The following ARSB variants were observed in gnomAD, a reference collection of about 807,000 sequenced individuals.
ARSB encodes arylsulfatase B.
In ARSB, 41 loss-of-function variants were observed where a neutral mutation model predicts 50.9. The ratio of observed to expected loss-of-function variants is 0.81; its 90% confidence interval spans 0.63 to 1.04. The LOEUF is 1.04. Ranked by LOEUF, ARSB falls within the 50% of genes least tolerant of loss-of-function variation. The pLI, the probability that ARSB is intolerant of heterozygous loss-of-function variation, is 0.00. For missense variants in ARSB, 672 were observed against 693.3 expected (o/e 0.97, Z 0.35); for synonymous variants, 269 against 284.8 (o/e 0.94, Z 0.56).
chr5:78,836,664 T>C (rs767584285), intron 6 of ARSB, among the ~76,000 whole-genome samples: 3 of 152,214 alleles, frequency 2.0e-5, no homozygotes, highest in Admixed American at 6.5e-5. Context: ...GTTATTTTGC[T>C]AGGGCCCTTT....
rs756793742 is a variant in ARSB, at chr5:78,885,575, T to G, written c.1142+9A>C. 23 of 1,612,624 alleles carry G rather than the reference T, an allele frequency of 1.4e-5. No homozygotes were observed. The highest frequency in any genetic ancestry group is 1.7e-5 in the Admixed American group (1 of 59,972). On this transcript the variant is annotated intron_variant, in intron 5 of 7. Transcript: ENST00000264914. Reference sequence around the variant, plus strand: ...TGTCCTGGGAGGAAAAAGGGCAGGGTGTAGGTACCTGATGGTTTTCCACAC... The same window carrying G: ...TGTCCTGGGAGGAAAAAGGGCAGGGGGTAGGTACCTGATGGTTTTCCACAC...
chr5:78,958,569 C>T (rs1426568304), intron 3 of ARSB, among the ~76,000 whole-genome samples: 3 of 152,158 alleles, frequency 2.0e-5, no homozygotes, highest in African/African-American at 7.2e-5. Flanking sequence ...TAGCTAAAGA[C>T]ATTACCATCA....
At chr5:78,802,799 C>T (rs186671227) in intron 6 of ARSB, among the ~76,000 whole-genome samples, 2 of 152,282 alleles carry the variant, frequency 1.3e-5, no homozygotes, top group East Asian at 1.9e-4. Flanking sequence ...TTGGTGTCCA[C>T]GTTGGGGTGG....
intron 6 of ARSB, among the ~76,000 whole-genome samples, chr5:78,811,155 A>G (rs151037356): frequency 1.8e-4 from 27 of 152,250 alleles, no homozygotes; most frequent in Admixed American, 5.9e-4. Context: ...CATCTTTCCA[A>G]CTGGACTGCA....
chr5:78,799,490 C>A (rs1256766507), intron 6 of ARSB, among the ~76,000 whole-genome samples: 1 of 152,170 alleles, frequency 6.6e-6, no homozygotes, highest in Non-Finnish European at 1.5e-5. Context: ...AGAGAGACTC[C>A]CTCCCTAACA....
intron 6 of ARSB, among the ~76,000 whole-genome samples, chr5:78,808,062 C>A (rs1743640019): frequency 7.7e-6 from 1 of 129,584 alleles, no homozygotes. Context: ...CACTGCACTC[C>A]AGCCTGGGCG....
At chr5:78,797,412 G>C (rs1743226637) in intron 6 of ARSB, among the ~76,000 whole-genome samples, 3 of 152,172 alleles carry the variant, frequency 2.0e-5, no homozygotes, top group Non-Finnish European at 4.4e-5. Context: ...GTTGTTTTGT[G>C]TATCCAACCA....
At chr5:78,795,700 A>C (rs1743153599) in intron 6 of ARSB, among the ~76,000 whole-genome samples, 1 of 152,264 alleles carries the variant, frequency 6.6e-6, no homozygotes, top group Admixed American at 6.5e-5. Context: ...GAAGCTAATC[A>C]GAAAAAGGTG....
At position 78,861,536 on chromosome 5, in the gene ARSB, C is replaced by G. The variant is rs562492917; in HGVS notation, c.1143-22110G>C. On this transcript the variant is annotated intron_variant, in intron 5 of 7. Coordinates refer to ENST00000264914, the MANE Select transcript of ARSB (RefSeq NM_000046.5). ...CTGTATGATTATCTCAATAGATGCA[C>G]AAAAGGCCTTCGACAAAATTCAACA... Among the ~76,000 whole-genome samples, 39 of 152,194 alleles carry G rather than the reference C, an allele frequency of 2.6e-4. No homozygotes were observed. In the South Asian group the frequency reaches 7.9e-3, roughly 31 times the overall value.
Position 78,780,272 on chromosome 5 carries a change from G to T in ARSB, c.*125C>A. On this transcript the variant is annotated 3_prime_UTR_variant, in exon 8 of 8. Transcript: ENST00000264914. ...TTAGGGGTTGAAATTAGACACCTCG[G>T]TGTGGTTTAAGAGCAAGAGAAGGGC... 7.6e-7 allele frequency: 1 copy of T among 1,309,302 alleles called. No individual in the cohort carries two copies. Among genetic ancestry groups the T allele is most frequent in the Non-Finnish European group, 1.1e-6 (1 of 913,244 alleles). 81.1% of individuals were successfully genotyped at this position (1,309,302 alleles called of 1,614,324 possible). A position where few individuals can be genotyped will look rare whatever the true frequency, so the allele number is the denominator to read the frequency against.
chr5:78,971,844 T>C (rs556075600), intron 1 of ARSB, among the ~76,000 whole-genome samples: 1 of 151,024 alleles, frequency 6.6e-6, no homozygotes, highest in Non-Finnish European at 1.5e-5. Flanking sequence ...TCAAAGTTTA[T>C]CGAATTGTAT....
At chr5:78,938,513 T>G (rs979478231) in intron 4 of ARSB, among the ~76,000 whole-genome samples, 4 of 152,246 alleles carry the variant, frequency 2.6e-5, no homozygotes, top group African/African-American at 9.6e-5. Context: ...CACTGATTTA[T>G]TCACATAACA....
chr5:78,982,693 G>A (rs1419496047), intron 1 of ARSB, among the ~76,000 whole-genome samples: 1 of 152,178 alleles, frequency 6.6e-6, no homozygotes, highest in Non-Finnish European at 1.5e-5. Flanking sequence ...TAAGTGCTCA[G>A]AACAATACCA....
intron 4 of ARSB, among the ~76,000 whole-genome samples, chr5:78,943,999 ACTTCT>A (rs1454819602): frequency 2.0e-5 from 3 of 151,876 alleles, no homozygotes; most frequent in African/African-American, 7.3e-5. Flanking sequence ...TTTTCTCTAA[ACTTCT>A]CTTCTCACTT....
chr5:78,938,480 G>A (rs1750737497), intron 4 of ARSB, among the ~76,000 whole-genome samples: 1 of 152,158 alleles, frequency 6.6e-6, no homozygotes, highest in Non-Finnish European at 1.5e-5. Context: ...TAATTGCAAA[G>A]AGTAATAGAA....
intron 5 of ARSB, among the ~76,000 whole-genome samples, chr5:78,865,423 C>G (rs1305226365): frequency 6.6e-6 from 1 of 152,130 alleles, no homozygotes; most frequent in Non-Finnish European, 1.5e-5. Context: ...CTAGGCTGTA[C>G]ACAGCACAGG....
chr5:78,866,045 C>T (rs893057563), intron 5 of ARSB, among the ~76,000 whole-genome samples: 4 of 152,198 alleles, frequency 2.6e-5, no homozygotes, highest in Admixed American at 6.5e-5. Flanking sequence ...TGCCTATTAC[C>T]CAGTTCCAAA....
intron 6 of ARSB, among the ~76,000 whole-genome samples, chr5:78,795,345 C>G (rs1170601178): frequency 6.6e-6 from 1 of 152,126 alleles, no homozygotes; most frequent in Non-Finnish European, 1.5e-5. Context: ...CTGGATGCCC[C>G]CATGTGGGTG....
At chr5:78,825,593 C>T (rs926882337) in intron 6 of ARSB, among the ~76,000 whole-genome samples, 1 of 152,172 alleles carries the variant, frequency 6.6e-6, no homozygotes, top group Admixed American at 6.5e-5. Context: ...ATCCAATCTT[C>T]AACTTTCTTT....
Sources: allele counts gnomAD v4.1 joint callset (sites outside exome capture counted in the v4.1 genomes callset), GRCh38; gene constraint gnomAD v4.1.1; transcripts MANE v1.5; gene names NCBI Gene and HGNC (gene_info 2026-07-23, HGNC 2026-07-21).